HERC6: variants seen among roughly 807,000 people sequenced by gnomAD.
HERC6 encodes the protein HECT and RLD domain containing E3 ubiquitin protein ligase family member 6, also known as probable E3 ubiquitin-protein ligase HERC6.
A neutral mutation model predicts 114.5 loss-of-function variants in HERC6; 101 were observed. That is an observed-to-expected ratio of 0.88 (90% CI 0.75 to 1.04). The LOEUF (loss-of-function observed/expected upper bound fraction) is 1.04. Ranked by LOEUF, HERC6 falls within the 50% of genes least tolerant of loss-of-function variation. The pLI, the probability that HERC6 is intolerant of heterozygous loss-of-function variation, is 0.00. For synonymous variants in HERC6, 408 were observed against 436.2 expected (o/e 0.94, Z 0.81); for missense variants, 1,133 against 1,230.9 (o/e 0.92, Z 1.19).
chr4:88,396,070 C>T lies in HERC6; in HGVS notation c.815C>T (p.Pro272Leu). 1 of 1,608,402 alleles carries T rather than the reference C, an allele frequency of 6.2e-7. No homozygotes were observed. Among genetic ancestry groups the T allele is most frequent in the South Asian group, 1.1e-5 (1 of 90,238 alleles). The change falls in exon 6 of 23, where the codon CCC (proline) becomes CTC (leucine). Residue 272 changes from proline to leucine, a missense_variant. Around this residue, in one of 3 missense-constraint regions of HERC6, gnomAD observed 735 missense variants for 754.0 expected, o/e 0.97. Coordinates refer to ENST00000264346, the MANE Select transcript of HERC6 (RefSeq NM_017912.4). The stretch of plus-strand genomic sequence containing the variant: ...CGCTCTGGACAGCTGGGATACAGCC[C>T]CACTCCTGAGAAGAGAGGTCCACAA... ...DNRSGQLGYS[P>L]TPEKRGPQLV...
chr4:88,432,600 G>A (rs889268932), intron 17 of HERC6, among the ~76,000 whole-genome samples: 2 of 151,746 alleles, frequency 1.3e-5, no homozygotes, highest in African/African-American at 2.4e-5. Flanking sequence ...GTGGTGGTGC[G>A]TGCCTGTAAT....
intron 19 of HERC6, among the ~76,000 whole-genome samples, chr4:88,437,289 T>A (rs1202854453): frequency 6.6e-6 from 1 of 152,106 alleles, no homozygotes; most frequent in Non-Finnish European, 1.5e-5. Flanking sequence ...ACTCCTGGCC[T>A]CAAGTGATCC....
chr4:88,418,083 A>G (rs1227692806), intron 13 of HERC6, among the ~76,000 whole-genome samples: 1 of 152,204 alleles, frequency 6.6e-6, no homozygotes, highest in Non-Finnish European at 1.5e-5. Context: ...TTTTATAAGA[A>G]TTTTAAAAAC....
rs1560563777 is a variant in HERC6, at chr4:88,424,620, T to C, written c.1853T>C (p.Val618Ala). The C allele has an allele frequency of 2.5e-6, 4 of 1,610,394 alleles. No individual in the cohort carries two copies. The highest frequency in any genetic ancestry group is 3.4e-6 in the Non-Finnish European group (4 of 1,177,502). Residue 618 changes from valine (V) to alanine (A), a missense_variant, in exon 15 of 23, where the codon GTT becomes GCT. Physicochemically the swap from Val to Ala is moderately conservative, Grantham distance 64. Coordinates refer to ENST00000264346, the MANE Select transcript of HERC6 (RefSeq NM_017912.4). Reference sequence around the variant, plus strand: ...ATACCTGCAGAAACCCCCAGTCCTGTTATTTTCAGTGATTTTCCATTTATC... The same window carrying C: ...ATACCTGCAGAAACCCCCAGTCCTGCTATTTTCAGTGATTTTCCATTTATC... ...HLIPAETPSP[V>A]IFSDFPFIFN...
At chr4:88,426,415 G>C (rs1029667291) in intron 15 of HERC6, among the ~76,000 whole-genome samples, 1 of 151,992 alleles carries the variant, frequency 6.6e-6, no homozygotes, top group Non-Finnish European at 1.5e-5. Context: ...TGATCTGCCT[G>C]CCTTGGCCTC....
At chr4:88,388,347 T>G (rs1306608439) in intron 3 of HERC6, among the ~76,000 whole-genome samples, 2 of 151,980 alleles carry the variant, frequency 1.3e-5, no homozygotes, top group Non-Finnish European at 2.9e-5. Flanking sequence ...GGTCAGCAGT[T>G]CAAGACCAGC....
At chr4:88,437,170 C>T (rs1216677721) in intron 19 of HERC6, among the ~76,000 whole-genome samples, 199 bp downstream of exon 19, 1 of 151,968 alleles carries the variant, frequency 6.6e-6, no homozygotes, top group Non-Finnish European at 1.5e-5. Context: ...GATTCTCCTA[C>T]CTCAGCCTCC....
intron 2 of HERC6, among the ~76,000 whole-genome samples, chr4:88,384,012 G>T (rs1002980313): frequency 7.9e-5 from 12 of 152,138 alleles, no homozygotes; most frequent in Middle Eastern, 3.4e-3. Context: ...CATTTGAGCT[G>T]CAAAAGATAC....
intron 13 of HERC6, among the ~76,000 whole-genome samples, chr4:88,420,913 C>T (rs1736984063): frequency 6.6e-6 from 1 of 152,112 alleles, no homozygotes; most frequent in Admixed American, 6.5e-5. Flanking sequence ...GCAGTCACTC[C>T]CCATTCCCCA....
At chr4:88,417,335 C>G in intron 12 of HERC6, 90 bp from the exon 13 acceptor site, 2 of 1,130,730 alleles carry the variant, frequency 1.8e-6, no homozygotes, top group South Asian at 2.8e-5. Flanking sequence ...AAAATATTAT[C>G]TATTTCTTAC....
intron 13 of HERC6, among the ~76,000 whole-genome samples, chr4:88,420,749 T>C (rs7663920): frequency 0.022 from 3,347 of 152,212 alleles, 129 homozygotes; most frequent in African/African-American, 0.077. Flanking sequence ...CTGGGCAACA[T>C]AGTGAGACCT....
At chr4:88,402,958 C>G (rs959507001) in intron 8 of HERC6, among the ~76,000 whole-genome samples, 2 of 152,206 alleles carry the variant, frequency 1.3e-5, no homozygotes, top group Admixed American at 1.3e-4. Context: ...TACCTGTCTT[C>G]TTCAAGAGGT....
rs1291434090 is a variant in HERC6, at chr4:88,404,053, C to T, written c.1093-823C>T. On this transcript the variant is annotated intron_variant, in intron 8 of 22. Transcript: ENST00000264346. Reference sequence around the variant, plus strand: ...CAGCTTTAGGTAATGTTGAATCTACCTTCTGTCTCTATGAATTTGCCTGTT... The same window carrying T: ...CAGCTTTAGGTAATGTTGAATCTACTTTCTGTCTCTATGAATTTGCCTGTT... Among the ~76,000 whole-genome samples, 3 of 152,092 alleles carry T rather than the reference C, an allele frequency of 2.0e-5. No individual in the cohort carries two copies. The East Asian group carries it at 5.8e-4, about 29-fold the overall frequency.
intron 6 of HERC6, 91 bp downstream of exon 6, chr4:88,396,233 A>G: frequency 9.0e-7 from 1 of 1,111,382 alleles, no homozygotes; most frequent in Non-Finnish European, 1.2e-6. Flanking sequence ...ATGTTATCAA[A>G]CCTTAAAATT....
Position 88,442,225 on chromosome 4 carries a change from C to T in HERC6, c.2843-9C>T, listed in dbSNP as rs1441596598. ...TGAAATATCTTAACCAAATTTTATT[C>T]CTTTCTAGTTTTCCTTACAGGACGT... On this transcript the variant is annotated splice_polypyrimidine_tract_variant and intron_variant, in intron 22 of 22. Transcript: ENST00000264346. 2 of 1,589,340 alleles carry T rather than the reference C, an allele frequency of 1.3e-6. No homozygotes were observed. The highest frequency in any genetic ancestry group is 2.2e-5 in the East Asian group (1 of 44,508).
intron 4 of HERC6, among the ~76,000 whole-genome samples, chr4:88,393,133 C>T (rs184195005): frequency 1.1e-4 from 16 of 152,232 alleles, no homozygotes; most frequent in African/African-American, 2.6e-4. Context: ...TCAATAGCCT[C>T]GGGCATTCCG....
rs1404226184 is a variant in HERC6, at chr4:88,401,429, T to G, written c.1092+3220T>G. Among the ~76,000 whole-genome samples the G allele has an allele frequency of 2.7e-5, 4 of 150,550 alleles. No individual in the cohort carries two copies. The East Asian group carries it at 5.9e-4, about 22-fold the overall frequency. On this transcript the variant is annotated intron_variant, in intron 8 of 22. Transcript: ENST00000264346. ...ATTGCTTGAACCTGGGAGGCGAAGG[T>G]TGCAGTGAGCTGAGATGCGCCACTG...
intron 3 of HERC6, among the ~76,000 whole-genome samples, chr4:88,389,743 A>G (rs767641162): frequency 7.2e-5 from 11 of 152,110 alleles, no homozygotes; most frequent in Non-Finnish European, 1.2e-4. Flanking sequence ...CCTTTTAAAG[A>G]TTTGTAAAAT....
intron 11 of HERC6, among the ~76,000 whole-genome samples, chr4:88,412,874 A>C (rs540041262): frequency 1.3e-5 from 2 of 152,334 alleles, no homozygotes; most frequent in Non-Finnish European, 2.9e-5. Context: ...ATATAAAATG[A>C]GGAGGATGGC....
Sources: gnomAD v4.1 joint callset for allele counts (sites outside exome capture counted in the v4.1 genomes callset) on GRCh38, gnomAD v4.1.1 for gene constraint, gnomAD v4.1.1 regional missense constraint, MANE v1.5 for transcripts, NCBI Gene and HGNC (gene_info 2026-07-23, HGNC 2026-07-21) for gene names.